The following KLB variants were observed in gnomAD, a reference collection of about 807,000 sequenced individuals.
KLB encodes klotho beta, also known as beta-klotho.
KLB carries 44 observed loss-of-function variants against 88.4 expected under a neutral mutation model. The ratio of observed to expected loss-of-function variants is 0.50; its 90% CI spans 0.39 to 0.64. KLB has a LOEUF of 0.64. Ranked by LOEUF, KLB falls within the 30% of genes least tolerant of loss-of-function variation. The probability of loss-of-function intolerance (pLI) is 0.00; values close to 1 mark genes in which losing one functional copy is unlikely to be tolerated. For synonymous variants in KLB, 548 were observed against 513.4 expected, an observed-to-expected ratio of 1.07 and a Z score of -0.91; for missense variants, 1,137 against 1,304.8, an observed-to-expected ratio of 0.87 and a Z score of 1.98.
intron 1 of KLB, among the ~76,000 whole-genome samples, chr4:39,413,044 T>G (rs1742888193): frequency 6.6e-6 from 1 of 152,202 alleles, no homozygotes; most frequent in African/African-American, 2.4e-5. Flanking sequence ...CCTGGCTCAG[T>G]AACCAGACCA....
intron 1 of KLB, among the ~76,000 whole-genome samples, chr4:39,422,733 T>C (rs1210913702): frequency 6.6e-6 from 1 of 151,968 alleles, no homozygotes; most frequent in African/African-American, 2.4e-5. Context: ...CTAAATGCTA[T>C]GCAGACAAGG....
Position 39,407,567 on chromosome 4 carries a change from TG to T in KLB, c.624del (p.Trp209GlyfsTer6). On this transcript the variant is annotated frameshift_variant, in exon 1 of 5. Coordinates refer to ENST00000257408, the MANE Select transcript of KLB (RefSeq NM_175737.4). LOFTEE classifies it high-confidence loss of function. ...DLPLALQEKYGGWKNDTIIDI... is the reference protein window; with the variant it reads ...DLPLALQEKYXGWKNDTIIDI... ...TGCCTTTGGCACTACAAGAAAAATA[TG>T]GGGGGTGGAAAAATGATACCATAAT... 1 of 1,614,014 alleles carries T rather than the reference TG, an allele frequency of 6.2e-7. No individual in the cohort carries two copies. Among genetic ancestry groups the T allele is most frequent in the Non-Finnish European group, 8.5e-7 (1 of 1,179,896 alleles).
intron 3 of KLB, among the ~76,000 whole-genome samples, chr4:39,441,207 G>C (rs1208055151): frequency 6.6e-6 from 1 of 152,104 alleles, no homozygotes; most frequent in African/African-American, 2.4e-5. Flanking sequence ...TGATTAAAGG[G>C]GGAAAGTTAT....
chr4:39,444,817 G>A (rs1460344726), intron 3 of KLB, among the ~76,000 whole-genome samples: 1 of 152,138 alleles, frequency 6.6e-6, no homozygotes, highest in East Asian at 1.9e-4. Flanking sequence ...CATGATCAAT[G>A]TTCTCTTAGT....
Position 39,447,294 on chromosome 4 carries a change from G to A in KLB, c.2568G>A (p.Leu856=). ...DIQFLQDITR[L]SSPTRLAVIP... is the part of the protein sequence containing the mutation. The stretch of plus-strand genomic sequence containing the variant: ...AGTTTCTGCAGGACATCACCCGCCT[G>A]AGCTCCCCCACGCGCCTGGCTGTGA... Residue 856 remains leucine (L), a synonymous_variant, in exon 4 of 5, where the codon CTG becomes CTA. Coordinates refer to ENST00000257408, the MANE Select transcript of KLB (RefSeq NM_175737.4). 1.9e-6 allele frequency: 3 copies of A among 1,614,104 alleles called. No homozygotes were observed. The highest frequency in any genetic ancestry group is 2.5e-6 in the Non-Finnish European group (3 of 1,179,990).
intron 1 of KLB, among the ~76,000 whole-genome samples, chr4:39,431,089 G>GTTTTTTTT (rs1311213447): frequency 2.6e-5 from 2 of 77,048 alleles, no homozygotes; most frequent in Non-Finnish European, 5.8e-5. Flanking sequence ...GCTAATTTTT[G>GTTTTTTTT]TATTTTTTTT....
At chr4:39,416,463 T>C (rs1421399947) in intron 1 of KLB, among the ~76,000 whole-genome samples, 2 of 152,204 alleles carry the variant, frequency 1.3e-5, no homozygotes, top group Non-Finnish European at 2.9e-5. Flanking sequence ...GTTAAAATTA[T>C]TAAACAAAAT....
chr4:39,429,660 A>C (rs946539356), intron 1 of KLB, among the ~76,000 whole-genome samples: 2 of 152,234 alleles, frequency 1.3e-5, no homozygotes, highest in African/African-American at 4.8e-5. Context: ...ACCTTGGAAA[A>C]GTGTAGAATG....
intron 1 of KLB, among the ~76,000 whole-genome samples, chr4:39,425,652 G>T (rs1010060232): frequency 6.6e-6 from 1 of 152,084 alleles, no homozygotes; most frequent in Admixed American, 6.6e-5. Context: ...TGTTGCCCAG[G>T]CTGGTCTTAA....
At position 39,444,568 on chromosome 4, in the gene KLB, T is replaced by C. The variant is rs1467424998; in HGVS notation, c.1606-1764T>C. Among the ~76,000 whole-genome samples the C allele has an allele frequency of 3.3e-5, 5 of 152,226 alleles. No individual in the cohort carries two copies. The East Asian group carries it at 9.6e-4, about 29-fold the overall frequency. Reference sequence around the variant, plus strand: ...GGGATTGGGATGCATCATCTTTAACTAGAAAATTAACCTCTTAGCAGACTA... The same window carrying C: ...GGGATTGGGATGCATCATCTTTAACCAGAAAATTAACCTCTTAGCAGACTA... On this transcript the variant is annotated intron_variant, in intron 3 of 4. Coordinates refer to ENST00000257408, the MANE Select transcript of KLB (RefSeq NM_175737.4).
chr4:39,415,124 G>A lies in KLB; in HGVS notation c.825+7350G>A, dbSNP rs549392177. 2.6e-5 allele frequency among the ~76,000 whole-genome samples: 4 copies of A among 152,080 alleles called. No individual in the cohort carries two copies. The South Asian group carries it at 6.2e-4, about 24-fold the overall frequency. ...GACGGGGTTTCACCATGTTGGCCAG[G>A]CTGGTCTCGAACTCTGGGCCTTGGG... On this transcript the variant is annotated intron_variant, in intron 1 of 4. Transcript: ENST00000257408.
intron 3 of KLB, among the ~76,000 whole-genome samples, chr4:39,439,679 A>T: frequency 7.7e-6 from 1 of 130,258 alleles, no homozygotes; most frequent in Non-Finnish European, 1.6e-5. Flanking sequence ...TTTTTTTTGG[A>T]GACGGAGCTT....
chr4:39,426,891 A>G (rs1743230057), intron 1 of KLB, among the ~76,000 whole-genome samples: 1 of 151,908 alleles, frequency 6.6e-6, no homozygotes. Flanking sequence ...GTCTCACTAT[A>G]TTGCCCAGTC....
In KLB at chr4:39,447,456, C is replaced by CACTT; in HGVS notation, c.2730_2731insACTT (p.Leu911ThrfsTer12). The CACTT allele has an allele frequency of 6.3e-7, 1 of 1,589,486 alleles. No homozygotes were observed. The highest frequency in any genetic ancestry group is 1.7e-5 in the Admixed American group (1 of 58,214). ...TCCGGAAGTACTACCTAGGGAAGTACCTTCAGGAGGTGCTGAAAGGTAAGG... is the reference window on the plus strand; with the variant it reads ...TCCGGAAGTACTACCTAGGGAAGTACACTTCTTCAGGAGGTGCTGAAAGGTAAGG... On this transcript the variant is annotated frameshift_variant, in exon 4 of 5. Transcript: ENST00000257408. LOFTEE classifies it low-confidence loss of function (END_TRUNC).
At chr4:39,445,504 C>CTTTTTTTTT (rs10634518) in intron 3 of KLB, among the ~76,000 whole-genome samples, 7 of 131,698 alleles carry the variant, frequency 5.3e-5, no homozygotes, top group South Asian at 2.4e-4. Context: ...CTTTTCTTTT[C>CTTTTTTTTT]TTTTTTTTTT....
In KLB at chr4:39,446,290, C is replaced by T. The variant is rs752167719; in HGVS notation, c.1606-42C>T. ...GTAGGCAGATCACTTGAGCCTCCAT[C>T]TGCCAGCGCATGCTTGACCTAAATG... On this transcript the variant is annotated intron_variant, in intron 3 of 4. Coordinates refer to ENST00000257408, the MANE Select transcript of KLB (RefSeq NM_175737.4). This position sits in a 1 kb window ranked among gnomAD's most constrained non-coding sequence, Gnocchi z 6.4. 5.1e-6 allele frequency: 8 copies of T among 1,565,310 alleles called. No individual in the cohort carries two copies. The South Asian group carries it at 9.5e-5, about 18-fold the overall frequency.
At chr4:39,409,416 T>C (rs2109816562) in intron 1 of KLB, among the ~76,000 whole-genome samples, 1 of 151,224 alleles carries the variant, frequency 6.6e-6, no homozygotes, top group Middle Eastern at 3.4e-3. Context: ...CCTCAGCCTC[T>C]TGAGTAACTG....
intron 3 of KLB, among the ~76,000 whole-genome samples, chr4:39,440,526 G>A (rs1743576226): frequency 6.6e-6 from 1 of 152,146 alleles, no homozygotes; most frequent in South Asian, 2.1e-4. Flanking sequence ...TTCAAACCAT[G>A]AATTAGCAAA....
intron 4 of KLB, 110 bp downstream of exon 4, chr4:39,447,585 C>T: frequency 1.1e-6 from 1 of 892,932 alleles, no homozygotes; most frequent in Non-Finnish European, 1.6e-6. Flanking sequence ...ATTTGTGGCA[C>T]CCAAGTCCTG....
Sources: gnomAD v4.1 joint callset for allele counts (sites outside exome capture counted in the v4.1 genomes callset) on GRCh38, gnomAD v4.1.1 for gene constraint, Gnocchi (gnomAD v3.1) non-coding constraint, MANE v1.5 for transcripts, NCBI Gene and HGNC (gene_info 2026-07-23, HGNC 2026-07-21) for gene names.